Variants in ZNF433 observed in about 807,000 individuals in gnomAD.
ZNF433 encodes the protein zinc finger protein 433.
In ZNF433, 12 loss-of-function variants were observed where a neutral mutation model predicts 10.6. The observed-to-expected ratio is 1.13, with a 90% CI of 0.72 to 1.83. ZNF433 has a LOEUF of 1.83. Among genes scored for constraint, ZNF433 ranks in the 40% most tolerant of loss-of-function variants. The pLI, the probability that ZNF433 is intolerant of heterozygous loss-of-function variation, is 0.00. For synonymous variants in ZNF433, 272 were observed against 271.3 expected, an observed-to-expected ratio of 1.00 and a Z score of -0.02; for missense variants, 737 against 798.0, an observed-to-expected ratio of 0.92 and a Z score of 0.92.
At chr19:12,019,011 C>T (rs1974353010) in intron 1 of ZNF433, among the ~76,000 whole-genome samples, 1 of 145,782 alleles carries the variant, frequency 6.9e-6, no homozygotes, top group Non-Finnish European at 1.5e-5. Context: ...GATCACACCA[C>T]CACACTCCAG....
At chr19:12,023,015 C>T (rs1974569147) in intron 1 of ZNF433, among the ~76,000 whole-genome samples, 1 of 150,588 alleles carries the variant, frequency 6.6e-6, no homozygotes, top group Non-Finnish European at 1.5e-5. Flanking sequence ...TTAGGATACA[C>T]CCCCCAGATC....
At position 12,015,448 on chromosome 19, in the gene ZNF433, T is replaced by C. The variant is rs545478106; in HGVS notation, c.1410A>G (p.Arg470=). 1 of 1,613,984 alleles carries C rather than the reference T, an allele frequency of 6.2e-7. No individual in the cohort carries two copies. Among genetic ancestry groups the C allele is most frequent in the East Asian group, 2.2e-5 (1 of 44,866 alleles). Residue 470 remains arginine (R), a synonymous_variant, in exon 4 of 4, where the codon AGA becomes AGG. Transcript: ENST00000550507. ...CCTTACATTCATACGGCTTCTCTTCTCTGTGCATCCTTTCATGTATTTGAA... is the reference window on the plus strand; with the variant it reads ...CCTTACATTCATACGGCTTCTCTTCCCTGTGCATCCTTTCATGTATTTGAA... ...SFFQIHERMH[R]EEKPYECKGY...
At chr19:12,033,130 C>T (rs553785632) in intron 1 of ZNF433, among the ~76,000 whole-genome samples, 1 of 151,958 alleles carries the variant, frequency 6.6e-6, no homozygotes, top group East Asian at 2.0e-4. Context: ...GTCTCACTCA[C>T]TTGCCCAGGC....
Position 12,015,119 on chromosome 19 carries a change from G to A in ZNF433, c.1739C>T (p.Thr580Ile). ...TTCATAGGGTTTCTCTCCAGTGTGA[G>A]TCCTTCCATGCATTTGAAGGTGTGA... ...SASHLQMHGR[T>I]HTGEKPYECK... is the part of the protein sequence containing the mutation. The change falls in exon 4 of 4, where the codon ACT becomes ATT. Residue 580 changes from threonine (T) to isoleucine (I), a missense_variant. Physicochemically the swap from Thr to Ile is moderately conservative, Grantham distance 89. Coordinates refer to ENST00000550507, the MANE Select transcript of ZNF433 (RefSeq NM_001308348.2). 6.2e-7 allele frequency: 1 copy of A among 1,614,082 alleles called. No individual in the cohort carries two copies. Among genetic ancestry groups the A allele is most frequent in the Non-Finnish European group, 8.5e-7 (1 of 1,179,982 alleles).
intron 1 of ZNF433, chr19:12,026,307 G>A (rs561244068): frequency 9.2e-5 from 20 of 217,240 alleles, no homozygotes; most frequent in Middle Eastern, 1.9e-3. Context: ...TTGCAGCCAT[G>A]TCAAGACTGA....
chr19:12,027,420 A>G (rs898166460), intron 1 of ZNF433, among the ~76,000 whole-genome samples: 1 of 152,240 alleles, frequency 6.6e-6, no homozygotes, highest in African/African-American at 2.4e-5. Context: ...CATGATGGCT[A>G]TGATGCCCAC....
chr19:12,032,936 G>C (rs1975102010), intron 1 of ZNF433, among the ~76,000 whole-genome samples: 1 of 152,184 alleles, frequency 6.6e-6, no homozygotes, highest in Non-Finnish European at 1.5e-5. Flanking sequence ...GAGGGGCAAT[G>C]CTGACTAGAA....
rs1306214577 is a variant in ZNF433 at position 12,018,198 on chromosome 19, A to C, written c.98T>G (p.Met33Arg). Residue 33 changes from methionine (M) to arginine (R), a missense_variant, in exon 2 of 4, where the codon ATG becomes AGG. Met to Arg is a moderately conservative substitution (Grantham distance 91, BLOSUM62 -1). Transcript: ENST00000550507. Reference protein sequence around the residue: ...PSQKNLCRDVMQETFRNLASI... With the variant: ...PSQKNLCRDVRQETFRNLASI... ...GGCCAGGTTCCTGAAGGTTTCTTGC[A>C]TCACATCTCTACAGAGATTTTTCTG... 6.2e-7 allele frequency: 1 copy of C among 1,608,284 alleles called. No individual in the cohort carries two copies. The highest frequency in any genetic ancestry group is 1.7e-5 in the Admixed American group (1 of 58,144).
intron 1 of ZNF433, among the ~76,000 whole-genome samples, chr19:12,035,086 T>A (rs1975218374): frequency 6.6e-6 from 1 of 152,184 alleles, no homozygotes; most frequent in African/African-American, 2.4e-5. Flanking sequence ...TAATTATTAA[T>A]ATATTTTTTA....
chr19:12,017,993 A>T, intron 2 of ZNF433, 57 bp from the exon 3 acceptor site: 1 of 1,373,434 alleles, frequency 7.3e-7, no homozygotes, highest in Non-Finnish European at 9.9e-7. Context: ...TTAAAAAATT[A>T]CATGATTCTA....
chr19:12,018,122 CTTG>C lies in ZNF433; in HGVS notation c.130+41_130+43del, dbSNP rs763583724. On this transcript the variant is annotated intron_variant, in intron 2 of 3. Coordinates refer to ENST00000550507, the MANE Select transcript of ZNF433 (RefSeq NM_001308348.2). ...ACTTGTTCTCAGAAAAAAAAAAAAACTTGTTGTCTCATTTACTGAAGGAAGTAA... is the reference window on the plus strand; with the variant it reads ...ACTTGTTCTCAGAAAAAAAAAAAAACTTGTCTCATTTACTGAAGGAAGTAA... 2.9e-4 allele frequency: 431 copies of C among 1,485,106 alleles called. 1 individual carries two copies. Among genetic ancestry groups the C allele is most frequent in the Non-Finnish European group, 3.5e-4 (397 of 1,118,624 alleles). 92.0% of individuals were successfully genotyped at this position (1,485,106 alleles called of 1,614,324 possible).
In ZNF433 at chr19:12,016,176, A is replaced by T. The variant is rs980796758; in HGVS notation, c.682T>A (p.Cys228Ser). 23 of 1,614,066 alleles carry T rather than the reference A, an allele frequency of 1.4e-5. No homozygotes were observed. The highest frequency in any genetic ancestry group is 1.9e-5 in the Non-Finnish European group (23 of 1,180,036). Residue 228 changes from cysteine to serine, a missense_variant, in exon 4 of 4, where the codon TGT (cysteine) becomes AGT (serine). Physicochemically the swap from Cys to Ser is moderately radical, Grantham distance 112 (BLOSUM62 -1). Coordinates refer to ENST00000550507, the MANE Select transcript of ZNF433 (RefSeq NM_001308348.2). The part of the protein sequence containing the change: ...TGEKPYQCKQ[C>S]GKAFSHSSSL... The stretch of plus-strand genomic sequence containing the variant: ...CTAGAATGACTAAAGGCTTTACCAC[A>T]CTGTTTACATTGATATGGTTTCTCT...
chr19:12,018,426 C>G (rs767919041), intron 1 of ZNF433, 134 bp from the exon 2 acceptor site: 7 of 1,027,742 alleles, frequency 6.8e-6, no homozygotes, highest in Middle Eastern at 2.2e-4. Context: ...ACCTCATACT[C>G]TCTGTCTACA....
intron 1 of ZNF433, among the ~76,000 whole-genome samples, chr19:12,020,918 A>AT (rs1410993759): frequency 6.6e-5 from 7 of 105,764 alleles, no homozygotes; most frequent in African/African-American, 5.6e-4. Flanking sequence ...ACAAAAATAT[A>AT]AAAAAAAAAA....
chr19:12,014,740 T>C lies in ZNF433; in HGVS notation c.*105A>G. On this transcript the variant is annotated 3_prime_UTR_variant, in exon 4 of 4. Coordinates refer to ENST00000550507, the MANE Select transcript of ZNF433 (RefSeq NM_001308348.2). The stretch of plus-strand genomic sequence containing the variant: ...TTACCACCAACTGGAAGTCTTTTTA[T>C]TTATTTATTTAATTTTTATAACAGA... 1 of 852,800 alleles carries C rather than the reference T, an allele frequency of 1.2e-6. No homozygotes were observed. Among genetic ancestry groups the C allele is most frequent in the Non-Finnish European group, 1.7e-6 (1 of 583,924 alleles). The allele number at this position is 852,800 out of a possible 1,614,324, so 52.8% of individuals were successfully genotyped here.
rs529664567 is a variant in ZNF433 at position 12,020,987 on chromosome 19, T to C, written c.4-2695A>G. Among the ~76,000 whole-genome samples the C allele has an allele frequency of 2.6e-3, 396 of 149,640 alleles. 5 individuals are homozygous for C. Among genetic ancestry groups the C allele is most frequent in the African/African-American group, 9.5e-3 (385 of 40,700 alleles). On this transcript the variant is annotated intron_variant, in intron 1 of 3. Transcript: ENST00000550507. ...CTGCTTTACTGTTTTTTTTTTTTTC[T>C]TTTTTTTTGAGACAGAGTAGTCTCA...
At chr19:12,035,483 G>A in intron 1 of ZNF433, 54 bp downstream of exon 1, 1 of 1,555,836 alleles carries the variant, frequency 6.4e-7, no homozygotes, top group South Asian at 1.2e-5. Flanking sequence ...GCCGGTTCCG[G>A]CCGGTTCCAA....
intron 1 of ZNF433, among the ~76,000 whole-genome samples, chr19:12,020,885 C>T (rs1286680226): frequency 6.8e-6 from 1 of 147,192 alleles, no homozygotes; most frequent in Non-Finnish European, 1.5e-5. Flanking sequence ...GCCTGGGCGA[C>T]AGAGCGAGAC....
Position 12,014,845 on chromosome 19 carries a change from T to C in ZNF433, c.2013A>G (p.Ter671=). 2 of 1,556,506 alleles carry C rather than the reference T, an allele frequency of 1.3e-6. No homozygotes were observed. The highest frequency in any genetic ancestry group is 1.7e-6 in the Non-Finnish European group (2 of 1,149,836). ...HGRAHCIDTP[*] is the part of the protein sequence containing the mutation. ...CACCTCAGCCTCCTAAAGCCTGGGG[T>C]TATGGGGTGTCTATGCAGTGAGCCC... is the stretch of plus-strand genomic sequence containing the variant. Residue 671 remains the stop codon, a stop_retained_variant, in exon 4 of 4, where the codon TAA becomes TAG. Coordinates refer to ENST00000550507, the MANE Select transcript of ZNF433 (RefSeq NM_001308348.2).
Sources: allele counts gnomAD v4.1 joint callset (sites outside exome capture counted in the v4.1 genomes callset), GRCh38; gene constraint gnomAD v4.1.1; transcripts MANE v1.5; gene names NCBI Gene and HGNC (gene_info 2026-07-23, HGNC 2026-07-21).